PRKG1: variants seen among roughly 807,000 people sequenced by gnomAD.
The protein encoded by PRKG1 is protein kinase cGMP-dependent 1, also known as cGMP-dependent protein kinase 1.
In PRKG1, 35 loss-of-function variants were observed where a neutral mutation model predicts 88.1. The ratio of observed to expected loss-of-function variants is 0.40; its 90% CI spans 0.30 to 0.53. The LOEUF is 0.53. Among genes scored for constraint, PRKG1 ranks in the 20% least tolerant of loss-of-function variants. The pLI is 0.59. For synonymous variants in PRKG1, 303 were observed against 292.5 expected (o/e 1.04, Z -0.37); for missense variants, 540 against 839.8 (o/e 0.64, Z 4.41).
intron 3 of PRKG1, among the ~76,000 whole-genome samples, chr10:51,738,853 T>C (rs566424782): frequency 3.3e-5 from 5 of 152,330 alleles, no homozygotes; most frequent in East Asian, 3.9e-4. Flanking sequence ...ATGCTGTGAA[T>C]TGTAAAACTG....
chr10:51,070,903 A>AAGTC (rs1843817616), upstream of PRKG1, among the ~76,000 whole-genome samples: 6 of 152,312 alleles, frequency 3.9e-5, no homozygotes, highest in South Asian at 1.2e-3. Flanking sequence ...CTAGAGTATG[A>AAGTC]AGTCAGTTCC....
intron 9 of PRKG1, among the ~76,000 whole-genome samples, chr10:52,171,419 G>C (rs1178589064): frequency 1.3e-5 from 2 of 152,080 alleles, no homozygotes; most frequent in Non-Finnish European, 2.9e-5. Context: ...CAGGGTGAGT[G>C]GTCAGAAGGC....
chr10:51,723,636 A>G (rs1842066182), intron 3 of PRKG1, among the ~76,000 whole-genome samples: 2 of 152,306 alleles, frequency 1.3e-5, no homozygotes, highest in Admixed American at 1.3e-4. Flanking sequence ...AGAAAAAGTT[A>G]TCTGATGGTG....
chr10:51,730,195 G>T (rs573515772), intron 3 of PRKG1, among the ~76,000 whole-genome samples: 2 of 152,128 alleles, frequency 1.3e-5, no homozygotes, highest in South Asian at 2.1e-4. Flanking sequence ...AGAGGCTGTT[G>T]CAAGGATGTG....
intron 3 of PRKG1, among the ~76,000 whole-genome samples, chr10:51,755,264 G>C (rs1837829440): frequency 6.6e-6 from 1 of 152,102 alleles, no homozygotes; most frequent in African/African-American, 2.4e-5. Context: ...ATGCTGTCAG[G>C]GGCAAATCAA....
At chr10:52,098,797 C>T (rs1847231464) in intron 7 of PRKG1, among the ~76,000 whole-genome samples, 1 of 152,120 alleles carries the variant, frequency 6.6e-6, no homozygotes, top group Admixed American at 6.6e-5. Flanking sequence ...CCTTCATTCC[C>T]AATCCCTGAA....
intron 3 of PRKG1, among the ~76,000 whole-genome samples, chr10:51,644,626 A>C (rs1000549994): frequency 1.3e-5 from 2 of 152,116 alleles, no homozygotes; most frequent in African/African-American, 4.8e-5. Flanking sequence ...AAGATGGTCC[A>C]GACTTATCTT....
intron 9 of PRKG1, among the ~76,000 whole-genome samples, chr10:52,188,796 C>T (rs1353043621): frequency 6.6e-6 from 1 of 152,034 alleles, no homozygotes; most frequent in Non-Finnish European, 1.5e-5. Context: ...AGGTGCACAT[C>T]TTTCAATATA....
At chr10:51,895,153 A>C (rs1032654004) in intron 4 of PRKG1, among the ~76,000 whole-genome samples, 9 of 152,188 alleles carry the variant, frequency 5.9e-5, no homozygotes, top group South Asian at 2.1e-4. Context: ...GGTGTCGAAG[A>C]ATTGAGTTTC....
chr10:51,573,688 C>T (rs1837813356), intron 3 of PRKG1, among the ~76,000 whole-genome samples: 1 of 151,786 alleles, frequency 6.6e-6, no homozygotes, highest in Non-Finnish European at 1.5e-5. Flanking sequence ...AAGCTTTAGG[C>T]CCCACATAAC....
chr10:51,888,698 G>C (rs1296263651), intron 4 of PRKG1, among the ~76,000 whole-genome samples: 1 of 152,198 alleles, frequency 6.6e-6, no homozygotes. Flanking sequence ...AGCTCTAGCT[G>C]TGGGTTTGTG....
rs545758003 is a variant in PRKG1 at position 52,241,670 on chromosome 10, A to C, written c.1077-9900A>C. On this transcript the variant is annotated intron_variant, in intron 9 of 17. Transcript: ENST00000373980. ...AAGATCGCTGCTAGTAACCATAGAGAAAAGGTGCAGCCTGGATTCTTATAA... is the reference window on the plus strand; with the variant it reads ...AAGATCGCTGCTAGTAACCATAGAGCAAAGGTGCAGCCTGGATTCTTATAA... Among the ~76,000 whole-genome samples, 72 of 152,270 alleles carry C rather than the reference A, an allele frequency of 4.7e-4. 2 individuals are homozygous for C. The South Asian group carries it at 7.0e-3, about 15-fold the overall frequency.
At chr10:51,572,785 T>C (rs562834040) in intron 3 of PRKG1, among the ~76,000 whole-genome samples, 11 of 151,660 alleles carry the variant, frequency 7.3e-5, no homozygotes, top group Non-Finnish European at 1.5e-4. Context: ...GACTGGCTTT[T>C]AATTTTTCTA....
At chr10:51,041,580 A>G (rs556410357) in intron 1 of PRKG1, among the ~76,000 whole-genome samples, 1 of 152,012 alleles carries the variant, frequency 6.6e-6, no homozygotes, top group African/African-American at 2.4e-5. Context: ...TTAAGGCAGT[A>G]GGTTCCCTTC....
intron 3 of PRKG1, among the ~76,000 whole-genome samples, chr10:51,527,103 A>G (rs1379146959): frequency 1.3e-5 from 2 of 152,222 alleles, no homozygotes; most frequent in Non-Finnish European, 1.5e-5. Context: ...TTTGAATTTC[A>G]CATAATTTTA....
At chr10:52,239,412 A>G (rs950010785) in intron 9 of PRKG1, among the ~76,000 whole-genome samples, 4 of 147,228 alleles carry the variant, frequency 2.7e-5, no homozygotes, top group African/African-American at 9.9e-5. Flanking sequence ...TACTGAAATG[A>G]GTTGATTAGA....
At chr10:51,039,338 G>A (rs1291295733) in intron 1 of PRKG1, among the ~76,000 whole-genome samples, 5 of 152,166 alleles carry the variant, frequency 3.3e-5, no homozygotes, top group Admixed American at 2.6e-4. Context: ...GATCAGGGAT[G>A]TTGAGCACCT....
At chr10:52,001,440 C>A (rs1844595408) in intron 5 of PRKG1, among the ~76,000 whole-genome samples, 1 of 151,602 alleles carries the variant, frequency 6.6e-6, no homozygotes, top group Non-Finnish European at 1.5e-5. Flanking sequence ...AATGTATATA[C>A]CTACATCCAA....
intron 1 of PRKG1, among the ~76,000 whole-genome samples, chr10:51,140,352 C>A (rs1247610890): frequency 6.6e-6 from 1 of 152,160 alleles, no homozygotes; most frequent in South Asian, 2.1e-4. Flanking sequence ...TACCCCTAAT[C>A]CCTAGCACAA....
Sources: gnomAD v4.1 joint callset for allele counts (sites outside exome capture counted in the v4.1 genomes callset) on GRCh38, gnomAD v4.1.1 for gene constraint, MANE v1.5 for transcripts, NCBI Gene and HGNC (gene_info 2026-07-23, HGNC 2026-07-21) for gene names.